Variants in PCLO observed in about 807,000 individuals in gnomAD.
The protein encoded by PCLO is protein piccolo.
PCLO carries 82 observed loss-of-function variants against 427.5 expected under a neutral mutation model. That is an observed-to-expected ratio of 0.19 (90% CI 0.16 to 0.23). The LOEUF (loss-of-function observed/expected upper bound fraction) is 0.23. Among genes scored for constraint, PCLO ranks in the 10% least tolerant of loss-of-function variants. The probability of loss-of-function intolerance (pLI) is 1.00; values close to 1 mark genes in which losing one functional copy is unlikely to be tolerated. For missense variants in PCLO, 6,239 were observed against 6,115.9 expected (o/e 1.02, Z -0.67); for synonymous variants, 2,357 against 2,155.4 (o/e 1.09, Z -2.59).
chr7:82,986,308 C>T (rs1424141881), intron 3 of PCLO, among the ~76,000 whole-genome samples: 1 of 151,188 alleles, frequency 6.6e-6, no homozygotes, highest in Admixed American at 6.6e-5. Flanking sequence ...CAGCTTTCTT[C>T]CCAAACAGAT....
intron 1 of PCLO, among the ~76,000 whole-genome samples, chr7:83,161,287 G>T (rs1451449033): frequency 6.6e-6 from 1 of 151,532 alleles, no homozygotes; most frequent in Non-Finnish European, 1.5e-5. Context: ...ATATATCCAG[G>T]TCTTTCGTGC....
intron 3 of PCLO, among the ~76,000 whole-genome samples, chr7:83,015,109 G>A (rs1467800015): frequency 1.3e-5 from 2 of 152,126 alleles, no homozygotes; most frequent in Admixed American, 6.6e-5. Context: ...TAGACACTGA[G>A]ATAAGATTCG....
chr7:83,132,323 T>C (rs1791595212), intron 3 of PCLO, among the ~76,000 whole-genome samples: 1 of 152,100 alleles, frequency 6.6e-6, no homozygotes, highest in South Asian at 2.1e-4. Flanking sequence ...GATTATCTAA[T>C]ACGATCACTC....
At position 82,952,461 on chromosome 7, in the gene PCLO, T is replaced by C; in HGVS notation, c.8492A>G (p.His2831Arg). 6.2e-7 allele frequency: 1 copy of C among 1,613,936 alleles called. No individual in the cohort carries two copies. Among genetic ancestry groups the C allele is most frequent in the Non-Finnish European group, 8.5e-7 (1 of 1,179,850 alleles). Residue 2831 changes from histidine (H) to arginine (R), a missense_variant, in exon 5 of 25, where the codon CAT becomes CGT. By Grantham distance (29) the His-to-Arg change is conservative. Coordinates refer to ENST00000333891, the MANE Select transcript of PCLO (RefSeq NM_033026.6). ...TGGTATCCTGTATGGGGGCTCAGCA[T>C]GCTTTGATGTTGTAAGTTGGAGTGG... Reference protein sequence around the residue: ...TTPLQLTTSKHAEPPYRIPSD... With the variant: ...TTPLQLTTSKRAEPPYRIPSD...
At chr7:83,121,253 A>T (rs1791270334) in intron 3 of PCLO, among the ~76,000 whole-genome samples, 1 of 152,200 alleles carries the variant, frequency 6.6e-6, no homozygotes, top group Non-Finnish European at 1.5e-5. Flanking sequence ...CAGAGTTTTT[A>T]TTAGTTTTCC....
intron 3 of PCLO, among the ~76,000 whole-genome samples, chr7:83,015,030 T>G (rs1325932883): frequency 6.6e-6 from 1 of 152,002 alleles, no homozygotes; most frequent in Non-Finnish European, 1.5e-5. Context: ...GCAGCTACTG[T>G]CCCCATTTTT....
chr7:82,794,573 G>C (rs1791186357), intron 22 of PCLO, among the ~76,000 whole-genome samples: 1 of 145,656 alleles, frequency 6.9e-6, no homozygotes, highest in African/African-American at 2.5e-5. Flanking sequence ...CTGGGCTCAA[G>C]CGATGCCCCC....
At chr7:82,764,973 C>G (rs528467793) in intron 22 of PCLO, among the ~76,000 whole-genome samples, 1 of 151,690 alleles carries the variant, frequency 6.6e-6, no homozygotes, top group Non-Finnish European at 1.5e-5. Flanking sequence ...ATGAATATAC[C>G]TTTTTCTTAA....
intron 3 of PCLO, among the ~76,000 whole-genome samples, chr7:83,039,271 T>C (rs549945132): frequency 6.6e-6 from 1 of 152,184 alleles, no homozygotes; most frequent in East Asian, 1.9e-4. Context: ...TGGGGCCAGA[T>C]CTATGAATCC....
At position 82,915,386 on chromosome 7, in the gene PCLO, C is replaced by A; in HGVS notation, c.12600G>T (p.Met4200Ile). ...KHKKSLIDPK[M>I]SKFSPIQESR... ...TTTCTTGAATAGGTGAAAATTTTGA[C>A]ATTTTAGGGTCAATTAGTGATTTCT... The change falls in exon 7 of 25, where the codon ATG becomes ATT. Residue 4200 changes from methionine to isoleucine, a missense_variant. Met to Ile is a conservative substitution (Grantham distance 10). This residue lies in a region of PCLO where 680 missense variants were observed against 677.3 expected (regional missense o/e 1.00). Coordinates refer to ENST00000333891, the MANE Select transcript of PCLO (RefSeq NM_033026.6). The A allele has an allele frequency of 2.5e-6, 4 of 1,613,482 alleles. No individual in the cohort carries two copies. In the South Asian group the frequency reaches 3.3e-5, roughly 13 times the overall value.
At chr7:83,093,922 T>C (rs959619840) in intron 3 of PCLO, among the ~76,000 whole-genome samples, 12 of 151,318 alleles carry the variant, frequency 7.9e-5, no homozygotes, top group African/African-American at 2.9e-4. Flanking sequence ...ATCCCATGTA[T>C]CTCTTACCCA....
Position 82,774,281 on chromosome 7 carries a change from G to A in PCLO, c.15008-12788C>T, listed in dbSNP as rs560798535. Among the ~76,000 whole-genome samples the A allele has an allele frequency of 4.6e-5, 7 of 152,240 alleles. No individual in the cohort carries two copies. In the East Asian group the frequency reaches 1.4e-3, roughly 29 times the overall value. ...TCCAGAATTTTTTTCTCTTTATAGG[G>A]AGGTATTCTCCCAATTCCATCTATT... On this transcript the variant is annotated intron_variant, in intron 22 of 24. Transcript: ENST00000333891.
At chr7:82,888,606 C>T (rs756758809) in intron 9 of PCLO, among the ~76,000 whole-genome samples, 1 of 151,914 alleles carries the variant, frequency 6.6e-6, no homozygotes, top group Non-Finnish European at 1.5e-5. Context: ...CAAAACAAAT[C>T]TTTTTAAAAA....
intron 10 of PCLO, among the ~76,000 whole-genome samples, chr7:82,866,265 C>T (rs76153381): frequency 0.061 from 9,232 of 152,042 alleles, 380 homozygotes; most frequent in East Asian, 0.15. Context: ...CATCCTCCTA[C>T]GTGCCATACC....
intron 15 of PCLO, among the ~76,000 whole-genome samples, chr7:82,835,919 G>A (rs924853463): frequency 6.6e-6 from 1 of 152,148 alleles, no homozygotes; most frequent in Non-Finnish European, 1.5e-5. Context: ...ATAATTAGGA[G>A]TGTGATTAAA....
rs575431343 is a variant in PCLO at position 82,758,314 on chromosome 7, T to G, written c.*261A>C. On this transcript the variant is annotated 3_prime_UTR_variant, in exon 25 of 25. Coordinates refer to ENST00000333891, the MANE Select transcript of PCLO (RefSeq NM_033026.6). Reference sequence around the variant, plus strand: ...ATTGTCTTAAGTAATCAAAATTTGTTTCACAGTTTCTCTTCACAGCCATGG... The same window carrying G: ...ATTGTCTTAAGTAATCAAAATTTGTGTCACAGTTTCTCTTCACAGCCATGG... 6.3e-6 allele frequency: 2 copies of G among 318,310 alleles called. No individual in the cohort carries two copies. Among genetic ancestry groups the G allele is most frequent in the African/African-American group, 4.3e-5 (2 of 46,356 alleles). 19.7% of individuals were successfully genotyped at this position (318,310 alleles called of 1,614,324 possible).
At chr7:82,888,203 T>C (rs1793673739) in intron 9 of PCLO, among the ~76,000 whole-genome samples, 1 of 152,172 alleles carries the variant, frequency 6.6e-6, no homozygotes, top group African/African-American at 2.4e-5. Context: ...ATCTGTTTTG[T>C]TCCACGGATA....
At chr7:82,800,720 T>C (rs986055498) in intron 22 of PCLO, among the ~76,000 whole-genome samples, 5 of 151,988 alleles carry the variant, frequency 3.3e-5, no homozygotes, top group African/African-American at 1.2e-4. Flanking sequence ...CTCAGCCTCC[T>C]GAGTAGCTGG....
chr7:82,794,459 CTTTT>C lies in PCLO; in HGVS notation c.15007+7055_15007+7058del, dbSNP rs778108792. Among the ~76,000 whole-genome samples, 468 of 56,382 alleles carry C rather than the reference CTTTT, an allele frequency of 8.3e-3. 41 individuals carry two copies. The highest frequency in any genetic ancestry group is 0.018 in the African/African-American group (414 of 22,590). The allele number at this position is 56,382 out of a possible 152,430, so 37.0% of individuals were successfully genotyped here. ...ACATGCTAGTTCATAAATTTTTTTT[CTTTT>C]TTTTTTTTTTTTTTTTTTTTTTTTT... is the stretch of plus-strand genomic sequence containing the variant. On this transcript the variant is annotated intron_variant, in intron 22 of 24. Coordinates refer to ENST00000333891, the MANE Select transcript of PCLO (RefSeq NM_033026.6).
Sources: allele counts gnomAD v4.1 joint callset (sites outside exome capture counted in the v4.1 genomes callset), GRCh38; gene constraint gnomAD v4.1.1; regional missense constraint gnomAD v4.1.1; transcripts MANE v1.5; gene names NCBI Gene and HGNC (gene_info 2026-07-23, HGNC 2026-07-21).